PAMR1: variants seen among roughly 807,000 people sequenced by gnomAD.
PAMR1 encodes inactive serine protease PAMR1.
In PAMR1, 88 loss-of-function variants were observed where a neutral mutation model predicts 81.8. That is an observed-to-expected ratio of 1.08 (90% CI 0.91 to 1.28). The LOEUF is 1.28. Among genes scored for constraint, PAMR1 ranks in the 50% most tolerant of loss-of-function variants. The pLI, the probability that PAMR1 is intolerant of heterozygous loss-of-function variation, is 0.00. For missense variants in PAMR1, 935 were observed against 919.7 expected (o/e 1.02, Z -0.21); for synonymous variants, 336 against 345.3 (o/e 0.97, Z 0.30).
intron 4 of PAMR1, 27 bp from the exon 5 acceptor site, chr11:35,470,845 A>G (rs1213769154): frequency 6.5e-7 from 1 of 1,541,714 alleles, no homozygotes; most frequent in Non-Finnish European, 9.0e-7. Flanking sequence ...TGACGGAGGG[A>G]AGCAGATGGG....
Position 35,444,636 on chromosome 11 carries a change from G to A in PAMR1, c.821-2943C>T, listed in dbSNP as rs757964820. ...ATTGCTTGTTTTTGTCAGGTTTGTCGAAGATCAGATGGTTGTAGATGTGTG... is the reference window on the plus strand; with the variant it reads ...ATTGCTTGTTTTTGTCAGGTTTGTCAAAGATCAGATGGTTGTAGATGTGTG... On this transcript the variant is annotated intron_variant, in intron 6 of 10. Transcript: ENST00000619888. 8.5e-5 allele frequency among the ~76,000 whole-genome samples: 13 copies of A among 152,048 alleles called. No individual in the cohort carries two copies. The South Asian group carries it at 1.2e-3, about 15-fold the overall frequency.
chr11:35,508,218 A>T (rs757692552), intron 1 of PAMR1, among the ~76,000 whole-genome samples: 2 of 152,196 alleles, frequency 1.3e-5, no homozygotes, highest in Admixed American at 1.3e-4. Context: ...GAAGCTGGTT[A>T]TCCACCTCAA....
At chr11:35,511,380 A>T (rs1382286018) in intron 1 of PAMR1, among the ~76,000 whole-genome samples, 1 of 152,234 alleles carries the variant, frequency 6.6e-6, no homozygotes, top group Non-Finnish European at 1.5e-5. Context: ...GATGGCTGTT[A>T]AGGTCAACCT....
chr11:35,463,879 A>G (rs924809629), intron 6 of PAMR1, among the ~76,000 whole-genome samples: 5 of 152,320 alleles, frequency 3.3e-5, no homozygotes, highest in Non-Finnish European at 5.9e-5. Flanking sequence ...CTCCTGTCCC[A>G]TGAAAGTCTG....
intron 8 of PAMR1, among the ~76,000 whole-genome samples, chr11:35,437,568 G>A (rs928660094): frequency 4.6e-5 from 7 of 152,326 alleles, no homozygotes; most frequent in East Asian, 1.9e-4. Flanking sequence ...CTACACTGTC[G>A]TTGGGGGCTT....
intron 6 of PAMR1, chr11:35,451,986 T>G (rs1856429155): frequency 1.6e-6 from 1 of 642,174 alleles, no homozygotes; most frequent in Admixed American, 2.4e-5. Context: ...TCTATGGTAT[T>G]CTCTTGTAGC....
At chr11:35,527,087 T>G (rs141831312), upstream of PAMR1, among the ~76,000 whole-genome samples, 1,469 of 151,998 alleles carry the variant, frequency 9.7e-3, 24 homozygotes, top group African/African-American at 0.034. Flanking sequence ...GATCAGAAGG[T>G]CAGGAGCCCT....
intron 6 of PAMR1, among the ~76,000 whole-genome samples, chr11:35,459,076 C>T (rs1202624053): frequency 1.3e-5 from 2 of 152,184 alleles, no homozygotes; most frequent in Non-Finnish European, 2.9e-5. Context: ...CATTCTCTCT[C>T]TATGTGAAAT....
intron 6 of PAMR1, among the ~76,000 whole-genome samples, chr11:35,454,509 G>T (rs1856484265): frequency 6.6e-6 from 1 of 152,122 alleles, no homozygotes; most frequent in Admixed American, 6.5e-5. Flanking sequence ...TGCTTCCCCA[G>T]CTCTGTTACT....
intron 1 of PAMR1, among the ~76,000 whole-genome samples, chr11:35,502,823 CA>C (rs1850876653): frequency 1.4e-5 from 1 of 72,044 alleles, no homozygotes; most frequent in Non-Finnish European, 2.9e-5. Flanking sequence ...CTTTGCTGTG[CA>C]GAAGCCTTTA....
Position 35,492,867 on chromosome 11 carries a change from C to T in PAMR1, c.251-694G>A, listed in dbSNP as rs373086976. ...ATGGCCTCTTGAGGGAGAGGGGGGT[C>T]GTGAGAAAAAGTACAAATGATTCAA... On this transcript the variant is annotated intron_variant, in intron 2 of 10. Transcript: ENST00000619888. 1.4e-4 allele frequency among the ~76,000 whole-genome samples: 22 copies of T among 152,192 alleles called. 1 individual carries two copies. In the South Asian group the frequency reaches 3.3e-3, roughly 23 times the overall value.
intron 1 of PAMR1, among the ~76,000 whole-genome samples, chr11:35,510,862 T>C (rs1427853402): frequency 6.6e-6 from 1 of 152,232 alleles, no homozygotes; most frequent in Non-Finnish European, 1.5e-5. Context: ...TTAAGACAGT[T>C]GCAAAGTATT....
intron 6 of PAMR1, among the ~76,000 whole-genome samples, chr11:35,454,510 C>T (rs1856484360): frequency 6.6e-6 from 1 of 152,192 alleles, no homozygotes; most frequent in African/African-American, 2.4e-5. Flanking sequence ...GCTTCCCCAG[C>T]TCTGTTACTG....
chr11:35,486,222 G>A (rs1413453157), intron 3 of PAMR1, among the ~76,000 whole-genome samples: 1 of 152,146 alleles, frequency 6.6e-6, no homozygotes, highest in Non-Finnish European at 1.5e-5. Flanking sequence ...TCATGGCAGT[G>A]GTAACATACA....
chr11:35,526,133 C>A (rs1395456386), upstream of PAMR1: 1 of 154,664 alleles, frequency 6.5e-6, no homozygotes, highest in Non-Finnish European at 1.4e-5. Flanking sequence ...CCGCACGCAA[C>A]ACTCCTCGTT....
At chr11:35,480,093 TATC>T (rs1391392410) in intron 3 of PAMR1, among the ~76,000 whole-genome samples, 2 of 152,174 alleles carry the variant, frequency 1.3e-5, no homozygotes, top group Non-Finnish European at 2.9e-5. Context: ...AGAGCAGGAA[TATC>T]ATCTGTCCTG....
chr11:35,434,472 G>T (rs755308520), intron 10 of PAMR1, 40 bp downstream of exon 10: 26 of 1,581,118 alleles, frequency 1.6e-5, no homozygotes, highest in Non-Finnish European at 2.2e-5. Context: ...GAGTTTTTTT[G>T]AGCCAGAGCC....
upstream of PAMR1, chr11:35,525,635 C>G (rs1297503304): frequency 6.5e-7 from 1 of 1,548,508 alleles, no homozygotes; most frequent in Non-Finnish European, 8.9e-7. Flanking sequence ...AGAGGAGGGA[C>G]CCAGGGAGGC....
At chr11:35,490,252 A>T (rs1850593836) in intron 3 of PAMR1, among the ~76,000 whole-genome samples, 1 of 152,200 alleles carries the variant, frequency 6.6e-6, no homozygotes, top group Non-Finnish European at 1.5e-5. Context: ...AGATTATTAC[A>T]ATTCAAGCTG....
Sources: allele counts gnomAD v4.1 joint callset (sites outside exome capture counted in the v4.1 genomes callset), GRCh38; gene constraint gnomAD v4.1.1; transcripts MANE v1.5; gene names NCBI Gene and HGNC (gene_info 2026-07-23, HGNC 2026-07-21).